ADGRL2: variants seen among roughly 807,000 people sequenced by gnomAD.
ADGRL2 encodes the protein calcium-independent alpha-latrotoxin receptor 2.
In ADGRL2, 44 loss-of-function variants were observed where a neutral mutation model predicts 157.4. The observed-to-expected ratio is 0.28, with a 90% CI of 0.22 to 0.36. The LOEUF (loss-of-function observed/expected upper bound fraction) is 0.36, where lower values mean the gene tolerates loss of function less well. Among genes scored for constraint, ADGRL2 ranks in the 10% least tolerant of loss-of-function variants. The probability of loss-of-function intolerance (pLI) is 1.00; values close to 1 mark genes in which losing one functional copy is unlikely to be tolerated. For synonymous variants in ADGRL2, 585 were observed against 624.7 expected, an observed-to-expected ratio of 0.94 and a Z score of 0.95; for missense variants, 1,510 against 1,768.9, an observed-to-expected ratio of 0.85 and a Z score of 2.63.
intron 2 of ADGRL2, among the ~76,000 whole-genome samples, chr1:81,525,799 A>C (rs2148203019): frequency 6.6e-6 from 1 of 152,292 alleles, no homozygotes; most frequent in Admixed American, 6.5e-5. Flanking sequence ...TAGTAAGACC[A>C]GCACACCACT....
At position 81,625,281 on chromosome 1, in the gene ADGRL2, C is replaced by A. The variant is rs919131701; in HGVS notation, c.-143+44301C>A. Among the ~76,000 whole-genome samples, 4 of 152,184 alleles carry A rather than the reference C, an allele frequency of 2.6e-5. No individual in the cohort carries two copies. The South Asian group carries it at 8.3e-4, about 32-fold the overall frequency. On this transcript the variant is annotated intron_variant, in intron 3 of 24. Transcript: ENST00000370721. ...TCTCCCTCTCCCTCCTTCCCTTTTT[C>A]CCTCTTCCATATCTTCCTCCCTCCC...
At position 81,976,128 on chromosome 1, in the gene ADGRL2, T is replaced by C. The variant is rs571531770; in HGVS notation, c.3022-3741T>C. ...TCATATATGTTGGTGGTAACATAAA[T>C]TGTTGAGCATCAAAGTGATATAAAA... On this transcript the variant is annotated intron_variant, in intron 17 of 23. Transcript: ENST00000686636. Among the ~76,000 whole-genome samples, 65 of 152,138 alleles carry C rather than the reference T, an allele frequency of 4.3e-4. 1 individual carries two copies. In the South Asian group the frequency reaches 0.013, roughly 30 times the overall value.
At chr1:81,311,654 C>G (rs571207462) in intron 1 of ADGRL2, among the ~76,000 whole-genome samples, 2 of 152,240 alleles carry the variant, frequency 1.3e-5, no homozygotes, top group South Asian at 4.1e-4. Context: ...TCTATCCATC[C>G]AACACATTTC....
At chr1:81,367,573 T>C (rs759188145) in intron 1 of ADGRL2, among the ~76,000 whole-genome samples, 1 of 152,224 alleles carries the variant, frequency 6.6e-6, no homozygotes, top group Non-Finnish European at 1.5e-5. Context: ...TTTTTTCTTT[T>C]TTTGAGACGG....
intron 3 of ADGRL2, among the ~76,000 whole-genome samples, chr1:81,650,574 C>CAAAAAAAAAAAAAAAAA (rs1180168819): frequency 3.2e-5 from 2 of 62,338 alleles, no homozygotes; most frequent in Non-Finnish European, 6.7e-5. Context: ...GACTCCATCT[C>CAAAAAAAAAAAAAAAAA]AAAAAAAAAA....
At chr1:81,964,228 A>G (rs1340308963) in intron 11 of ADGRL2, among the ~76,000 whole-genome samples, 2 of 152,106 alleles carry the variant, frequency 1.3e-5, no homozygotes, top group African/African-American at 2.4e-5. Context: ...GTTTAATGCA[A>G]TTAACTCTTT....
chr1:81,573,458 G>C (rs2080735538), intron 2 of ADGRL2, among the ~76,000 whole-genome samples: 1 of 152,052 alleles, frequency 6.6e-6, no homozygotes, highest in Middle Eastern at 3.4e-3. Context: ...ACATAGGTCT[G>C]TCTATGATCA....
Position 81,397,379 on chromosome 1 carries a change from T to G in ADGRL2, c.-301-47657T>G, listed in dbSNP as rs140573848. On this transcript the variant is annotated intron_variant, in intron 1 of 24. Transcript: ENST00000370721. ...TCTGTTGCACAGGCTGGAGTGCAGC[T>G]GTGCAATCTCTGCTCACTGCAACTC... 6.9e-3 allele frequency among the ~76,000 whole-genome samples: 961 copies of G among 138,632 alleles called. 15 individuals are homozygous for G. The highest frequency in any genetic ancestry group is 0.055 in the South Asian group (225 of 4,078). 90.9% of individuals were successfully genotyped at this position (138,632 alleles called of 152,430 possible).
At chr1:81,976,800 G>A (rs1488369502) in intron 17 of ADGRL2, among the ~76,000 whole-genome samples, 1 of 151,862 alleles carries the variant, frequency 6.6e-6, no homozygotes, top group African/African-American at 2.4e-5. Flanking sequence ...AGGAAATGGA[G>A]AATTAGTTAA....
intron 2 of ADGRL2, among the ~76,000 whole-genome samples, chr1:81,538,970 T>G (rs1290308004): frequency 2.2e-5 from 3 of 137,938 alleles, no homozygotes; most frequent in Non-Finnish European, 4.6e-5. Context: ...ATCGCACCAT[T>G]GGGCTCCAGC....
intron 2 of ADGRL2, among the ~76,000 whole-genome samples, chr1:81,569,228 C>G (rs1355641650): frequency 6.6e-6 from 1 of 152,044 alleles, no homozygotes; most frequent in East Asian, 1.9e-4. Flanking sequence ...GAATTCCTCA[C>G]AAAAACACTG....
At chr1:81,502,937 C>A (rs2078886761) in intron 2 of ADGRL2, 1 of 1,612,364 alleles carries the variant, frequency 6.2e-7, no homozygotes, top group Non-Finnish European at 8.5e-7. Context: ...TCCCCAGCAA[C>A]CACTCTCAGG....
intron 3 of ADGRL2, among the ~76,000 whole-genome samples, chr1:81,668,197 C>T (rs572373132): frequency 3.3e-5 from 5 of 151,898 alleles, no homozygotes; most frequent in Non-Finnish European, 5.9e-5. Flanking sequence ...CGAAGTGGGG[C>T]GGATCACACA....
intron 1 of ADGRL2, among the ~76,000 whole-genome samples, chr1:81,807,311 T>C (rs1264653645): frequency 1.3e-5 from 2 of 152,100 alleles, no homozygotes; most frequent in East Asian, 3.9e-4. Context: ...ATTAAAATCA[T>C]AGGCTAGTTT....
chr1:81,644,471 T>C (rs1212814028), intron 3 of ADGRL2, among the ~76,000 whole-genome samples: 1 of 152,092 alleles, frequency 6.6e-6, no homozygotes, highest in Non-Finnish European at 1.5e-5. Flanking sequence ...GAAAGATGTA[T>C]CAGATAAAGA....
intron 1 of ADGRL2, among the ~76,000 whole-genome samples, chr1:81,387,183 G>A (rs1431489614): frequency 4.6e-5 from 7 of 152,140 alleles, no homozygotes; most frequent in East Asian, 1.9e-4. Flanking sequence ...GTTATGTTAC[G>A]TGAAAACACT....
chr1:81,369,593 C>T (rs892105179), intron 1 of ADGRL2, among the ~76,000 whole-genome samples: 9 of 152,100 alleles, frequency 5.9e-5, no homozygotes, highest in Admixed American at 4.6e-4. Flanking sequence ...TTGCTTCAGC[C>T]GAATGGATGA....
intron 1 of ADGRL2, among the ~76,000 whole-genome samples, chr1:81,746,165 C>T (rs547460948): frequency 5.0e-4 from 76 of 151,938 alleles, no homozygotes; most frequent in Middle Eastern, 3.4e-3. Flanking sequence ...CATTAGACAT[C>T]GTGCCTTTGA....
intron 1 of ADGRL2, among the ~76,000 whole-genome samples, chr1:81,396,871 G>C (rs2076663811): frequency 6.6e-6 from 1 of 152,108 alleles, no homozygotes; most frequent in African/African-American, 2.4e-5. Context: ...GCTGAATTTG[G>C]GTTGCTAGTA....
Sources: gnomAD v4.1 joint callset for allele counts (sites outside exome capture counted in the v4.1 genomes callset) on GRCh38, gnomAD v4.1.1 for gene constraint, MANE v1.5 for transcripts, NCBI Gene and HGNC (gene_info 2026-07-23, HGNC 2026-07-21) for gene names.